Variants in GRIP1 observed in about 807,000 individuals in gnomAD.
GRIP1 encodes the protein glutamate receptor interacting protein 1, also known as glutamate receptor-interacting protein 1.
Under a neutral mutation model 129.9 loss-of-function variants are expected in GRIP1, and 45 were observed. That is an observed-to-expected ratio of 0.35 (90% CI 0.27 to 0.44). The LOEUF is 0.44. Among genes scored for constraint, GRIP1 ranks in the 20% least tolerant of loss-of-function variants. GRIP1 has a pLI of 1.00. For missense variants in GRIP1, 1,196 were observed against 1,396.8 expected, an observed-to-expected ratio of 0.86 and a Z score of 2.29; for synonymous variants, 530 against 520.8, an observed-to-expected ratio of 1.02 and a Z score of -0.24.
At chr12:66,950,272 T>C (rs1418525500) in intron 1 of GRIP1, among the ~76,000 whole-genome samples, 1 of 152,200 alleles carries the variant, frequency 6.6e-6, no homozygotes, top group Non-Finnish European at 1.5e-5. Context: ...AAATTAATAT[T>C]TCAAAATGCT....
chr12:66,850,587 C>T (rs1252256), intron 1 of GRIP1, among the ~76,000 whole-genome samples: 142,900 of 152,026 alleles, frequency 0.94, 67,797 homozygotes, highest in East Asian at 1. Flanking sequence ...AACATTTTCA[C>T]TGAAACTAGA....
chr12:66,980,033 T>G (rs747813821), intron 1 of GRIP1, among the ~76,000 whole-genome samples: 5 of 152,152 alleles, frequency 3.3e-5, no homozygotes, highest in Non-Finnish European at 5.9e-5. Context: ...ATGATTATGT[T>G]AGGAGAATGC....
At chr12:66,391,230 T>C (rs2056573212) in intron 19 of GRIP1, among the ~76,000 whole-genome samples, 1 of 152,198 alleles carries the variant, frequency 6.6e-6, no homozygotes, top group South Asian at 2.1e-4. Context: ...ATGTGTTTTA[T>C]TATTTGACTG....
At chr12:66,824,778 A>G (rs949175052) in intron 1 of GRIP1, among the ~76,000 whole-genome samples, 1 of 152,204 alleles carries the variant, frequency 6.6e-6, no homozygotes, top group Non-Finnish European at 1.5e-5. Context: ...AAAAATGAAT[A>G]CTATATTGAC....
chr12:66,670,408 G>T (rs1308335064), intron 1 of GRIP1, among the ~76,000 whole-genome samples: 1 of 152,166 alleles, frequency 6.6e-6, no homozygotes, highest in Non-Finnish European at 1.5e-5. Context: ...AAGGAGGGCA[G>T]ACTTGAAGAC....
At chr12:66,380,462 G>C (rs999854072) in intron 19 of GRIP1, among the ~76,000 whole-genome samples, 64 of 152,258 alleles carry the variant, frequency 4.2e-4, no homozygotes, top group African/African-American at 1.5e-3. Context: ...TATTTGAATT[G>C]CAAAATGCTG....
At chr12:66,429,274 T>C (rs1409020230) in intron 14 of GRIP1, among the ~76,000 whole-genome samples, 1 of 152,118 alleles carries the variant, frequency 6.6e-6, no homozygotes, top group Admixed American at 6.6e-5. Context: ...GGACTTGGTA[T>C]AGAGATAATG....
chr12:66,678,732 C>A, intron 1 of GRIP1, 118 bp downstream of exon 1: 1 of 914,284 alleles, frequency 1.1e-6, no homozygotes, highest in South Asian at 1.4e-5. Flanking sequence ...TCACTGAGTT[C>A]TTTGTTGCCT....
At chr12:66,631,039 G>C (rs910954227) in intron 1 of GRIP1, among the ~76,000 whole-genome samples, 2 of 151,956 alleles carry the variant, frequency 1.3e-5, no homozygotes, top group African/African-American at 4.8e-5. Context: ...AGGTTCAAAC[G>C]ATTCTCCTGC....
chr12:66,609,214 T>C (rs79511448), intron 1 of GRIP1, among the ~76,000 whole-genome samples: 2 of 151,962 alleles, frequency 1.3e-5, no homozygotes, highest in East Asian at 1.9e-4. Flanking sequence ...CAAAAGACCA[T>C]CCTTTTCCCA....
At chr12:66,462,695 G>A (rs531011230) in intron 9 of GRIP1, among the ~76,000 whole-genome samples, 8 of 151,736 alleles carry the variant, frequency 5.3e-5, no homozygotes, top group African/African-American at 1.2e-4. Flanking sequence ...CCAGCTACTC[G>A]GGAGGCTGAG....
chr12:66,959,798 A>G (rs1186321123), intron 1 of GRIP1, among the ~76,000 whole-genome samples: 1 of 152,166 alleles, frequency 6.6e-6, no homozygotes, highest in Non-Finnish European at 1.5e-5. Flanking sequence ...GATCATTTTT[A>G]GAAAAGTATG....
intron 1 of GRIP1, among the ~76,000 whole-genome samples, chr12:66,862,773 C>A (rs1273109856): frequency 1.3e-5 from 2 of 152,038 alleles, no homozygotes; most frequent in Non-Finnish European, 2.9e-5. Context: ...TGCCTAAGGG[C>A]CCTGCTGTAC....
chr12:66,722,723 G>A (rs963296110), intron 1 of GRIP1, among the ~76,000 whole-genome samples: 5 of 152,122 alleles, frequency 3.3e-5, no homozygotes, highest in Non-Finnish European at 7.4e-5. Flanking sequence ...TCCTGGAAAA[G>A]ACAATCAAAA....
At position 66,353,539 on chromosome 12, in the gene GRIP1, TG is replaced by T; in HGVS notation, c.3036del (p.Asp1012GlufsTer9). On this transcript the variant is annotated frameshift_variant, in exon 24 of 25. Transcript: ENST00000359742. LOFTEE classifies it high-confidence loss of function. Reference protein sequence around the residue: ...LHKVTLYKDSDMEDFGFSVAD... With the variant: ...LHKVTLYKDSXMEDFGFSVAD... ...GCTACACTGAACCCAAAGTCCTCCA[TG>T]TCAGAGTCCTTGTACAAGGTCACCT... is the stretch of plus-strand genomic sequence containing the variant. 1 of 1,613,996 alleles carries T rather than the reference TG, an allele frequency of 6.2e-7. No individual in the cohort carries two copies. Among genetic ancestry groups the T allele is most frequent in the Non-Finnish European group, 8.5e-7 (1 of 1,179,860 alleles).
rs141938334 is a variant in GRIP1 at position 67,010,088 on chromosome 12, G to T, written c.58+58962C>A. 2.1e-3 allele frequency among the ~76,000 whole-genome samples: 315 copies of T among 152,078 alleles called. 2 individuals are homozygous for T. Among genetic ancestry groups the T allele is most frequent in the African/African-American group, 7.3e-3 (302 of 41,482 alleles). On this transcript the variant is annotated intron_variant, in intron 1 of 1. Coordinates refer to the GRIP1 transcript ENST00000643019. Reference sequence around the variant, plus strand: ...GCAAGATTTCTATAGGTATACCATGGGACTGTCTCCAAACTCTAATTTTCT... The same window carrying T: ...GCAAGATTTCTATAGGTATACCATGTGACTGTCTCCAAACTCTAATTTTCT...
chr12:66,973,360 C>T (rs2042102392), intron 1 of GRIP1, among the ~76,000 whole-genome samples: 1 of 140,692 alleles, frequency 7.1e-6, no homozygotes, highest in Admixed American at 7.4e-5. Context: ...TATTTTTTCC[C>T]TTTTTTCCTT....
intron 2 of GRIP1, among the ~76,000 whole-genome samples, chr12:66,542,552 A>G (rs1454962881): frequency 1.3e-5 from 2 of 152,214 alleles, no homozygotes; most frequent in African/African-American, 4.8e-5. Flanking sequence ...TGATCCTCAG[A>G]ATTTCCAGGT....
chr12:66,498,130 C>T (rs10748048), intron 7 of GRIP1, among the ~76,000 whole-genome samples: 106,969 of 151,992 alleles, frequency 0.7, 38,773 homozygotes, highest in African/African-American at 0.89. Flanking sequence ...TCGCTGACTC[C>T]CTTTTCGGAC....
Sources: gnomAD v4.1 joint callset for allele counts (sites outside exome capture counted in the v4.1 genomes callset) on GRCh38, gnomAD v4.1.1 for gene constraint, MANE v1.5 for transcripts, NCBI Gene and HGNC (gene_info 2026-07-23, HGNC 2026-07-21) for gene names.